The following CMTR1 variants were observed in gnomAD, a reference collection of about 807,000 sequenced individuals.
The protein encoded by CMTR1 is cap methyltransferase 1.
In CMTR1, 39 loss-of-function variants were observed where a neutral mutation model predicts 107.0. The observed-to-expected ratio is 0.36, with a 90% CI of 0.28 to 0.48. The LOEUF is 0.48. Among genes scored for constraint, CMTR1 ranks in the 20% least tolerant of loss-of-function variants. CMTR1 has a pLI of 0.99. For missense variants in CMTR1, 672 were observed against 1,064.9 expected (o/e 0.63, Z 5.14); for synonymous variants, 366 against 379.5 (o/e 0.96, Z 0.41).
At chr6:37,434,320 G>A (rs1328224710) in intron 1 of CMTR1, among the ~76,000 whole-genome samples, 1 of 152,084 alleles carries the variant, frequency 6.6e-6, no homozygotes, top group African/African-American at 2.4e-5. Context: ...TTACGAGGTT[G>A]GGAGCATCAG....
chr6:37,481,300 C>T lies in CMTR1; in HGVS notation c.*1155C>T. 5 of 1,219,760 alleles carry T rather than the reference C, an allele frequency of 4.1e-6. No homozygotes were observed. The highest frequency in any genetic ancestry group is 5.2e-6 in the Non-Finnish European group (5 of 955,972). 75.6% of individuals were successfully genotyped at this position (1,219,760 alleles called of 1,614,324 possible). A position where few individuals can be genotyped will look rare whatever the true frequency, so the allele number is the denominator to read the frequency against. ...CATGCAGGCTCCCTAGGGCCCCATC[C>T]CAGTGCCAGGCTGGTTTCCATGGAG... On this transcript the variant is annotated 3_prime_UTR_variant, in exon 24 of 24. Transcript: ENST00000373451.
chr6:37,443,435 A>G (rs1465152990), intron 2 of CMTR1, among the ~76,000 whole-genome samples: 1 of 151,902 alleles, frequency 6.6e-6, no homozygotes, highest in East Asian at 1.9e-4. Context: ...GCTCACTGCA[A>G]CTTCTGCCTC....
chr6:37,471,991 G>A lies in CMTR1; in HGVS notation c.1620+87G>A. 4.9e-6 allele frequency: 6 copies of A among 1,235,288 alleles called. No individual in the cohort carries two copies. In the South Asian group the frequency reaches 5.4e-5, roughly 11 times the overall value. The allele number at this position is 1,235,288 out of a possible 1,614,324, so 76.5% of individuals were successfully genotyped here. ...TGACTCCCAATCCTGTCACCTTAGG[G>A]TGTCTCTGCATCCAAAAATATCTGC... On this transcript the variant is annotated intron_variant, in intron 15 of 23. Coordinates refer to ENST00000373451, the MANE Select transcript of CMTR1 (RefSeq NM_015050.3).
chr6:37,446,305 C>T lies in CMTR1; in HGVS notation c.300C>T (p.Phe100=), dbSNP rs1214670881. ...VSQKLMAKMG[F]REGEGLGKYS... The stretch of plus-strand genomic sequence containing the variant: ...CTCTTTTTCAGGCCAAGATGGGCTT[C>T]AGGGAAGGTGAAGGATTGGGTAAAT... Residue 100 remains phenylalanine, a synonymous_variant, in exon 4 of 24, where the codon TTC becomes TTT. Coordinates refer to ENST00000373451, the MANE Select transcript of CMTR1 (RefSeq NM_015050.3). 1 of 1,613,962 alleles carries T rather than the reference C, an allele frequency of 6.2e-7. No homozygotes were observed. Among genetic ancestry groups the T allele is most frequent in the African/African-American group, 1.3e-5 (1 of 74,896 alleles).
At chr6:37,424,713 A>G in the CMTR1 span, among the ~76,000 whole-genome samples, 2 of 152,200 alleles carry the variant, frequency 1.3e-5, no homozygotes, top group Non-Finnish European at 2.9e-5. Flanking sequence ...ATCATATAAA[A>G]AATAAAAAGT....
At chr6:37,432,627 A>G (rs534897234), upstream of CMTR1, among the ~76,000 whole-genome samples, 6 of 152,266 alleles carry the variant, frequency 3.9e-5, no homozygotes, top group Non-Finnish European at 5.9e-5. Context: ...GCCCTTCACC[A>G]GGAAAAAAGT....
At chr6:37,446,131 A>G (rs1771788940) in intron 3 of CMTR1, among the ~76,000 whole-genome samples, 160 bp from the exon 4 acceptor site, 1 of 152,196 alleles carries the variant, frequency 6.6e-6, no homozygotes, top group Admixed American at 6.5e-5. Flanking sequence ...GTTATACTGC[A>G]GTTATTTATT....
chr6:37,449,224 G>C (rs1228331199), intron 4 of CMTR1, among the ~76,000 whole-genome samples: 1 of 151,868 alleles, frequency 6.6e-6, no homozygotes. Context: ...GGAATTACAG[G>C]TGTGAGCTAC....
chr6:37,473,505 A>T lies in CMTR1; in HGVS notation c.1725A>T (p.Thr575=). 6.2e-7 allele frequency: 1 copy of T among 1,614,024 alleles called. No homozygotes were observed. The highest frequency in any genetic ancestry group is 1.3e-5 in the African/African-American group (1 of 75,008). ...TEIDIFSYKP[T]LLTSKTLEKI... ...TTGACATCTTCAGCTACAAGCCCACACTGCTCACCTCTAAAACCCTGGAGA... is the reference window on the plus strand; with the variant it reads ...TTGACATCTTCAGCTACAAGCCCACTCTGCTCACCTCTAAAACCCTGGAGA... The change falls in exon 17 of 24, where the codon ACA becomes ACT. Residue 575 remains threonine (T), a synonymous_variant. Transcript: ENST00000373451.
intron 4 of CMTR1, among the ~76,000 whole-genome samples, chr6:37,448,736 TGCTTGGGA>T (rs2113870610): frequency 6.6e-6 from 1 of 152,354 alleles, no homozygotes; most frequent in Non-Finnish European, 1.5e-5. Context: ...TCTCCACACT[TGCTTGGGA>T]GCCAATATGT....
rs138241003 is a variant in CMTR1, at chr6:37,475,934, C to A, written c.2037-192C>A. On this transcript the variant is annotated intron_variant, in intron 19 of 23. Coordinates refer to ENST00000373451, the MANE Select transcript of CMTR1 (RefSeq NM_015050.3). ...AATTAGAGGTCAGAATCCACAGGGGCGGGGCATGAATAAAGACGTCGGTGG... is the reference window on the plus strand; with the variant it reads ...AATTAGAGGTCAGAATCCACAGGGGAGGGGCATGAATAAAGACGTCGGTGG... 5.9e-4 allele frequency: 348 copies of A among 594,692 alleles called. 1 individual carries two copies. In the African/African-American group the frequency reaches 6.0e-3, roughly 10 times the overall value. 36.8% of individuals were successfully genotyped at this position (594,692 alleles called of 1,614,324 possible).
chr6:37,474,797 C>A, intron 18 of CMTR1, 151 bp downstream of exon 18: 1 of 1,203,732 alleles, frequency 8.3e-7, no homozygotes, highest in Non-Finnish European at 1.1e-6. Context: ...GACTCCTCCC[C>A]GAGCAGTTGC....
At chr6:37,469,222 T>TAGA (rs1761574299) in intron 13 of CMTR1, among the ~76,000 whole-genome samples, 1 of 152,148 alleles carries the variant, frequency 6.6e-6, no homozygotes, top group Non-Finnish European at 1.5e-5. Flanking sequence ...AATTTGAGGT[T>TAGA]GATGTTTTTT....
At chr6:37,469,145 A>G (rs1761571831) in intron 13 of CMTR1, among the ~76,000 whole-genome samples, 1 of 151,924 alleles carries the variant, frequency 6.6e-6, no homozygotes, top group South Asian at 2.1e-4. Context: ...AAAAAAAAAC[A>G]AAAACAAAAA....
intron 13 of CMTR1, among the ~76,000 whole-genome samples, chr6:37,467,011 C>A (rs1414941322): frequency 6.6e-6 from 1 of 151,918 alleles, no homozygotes; most frequent in African/African-American, 2.4e-5. Flanking sequence ...CTCTACAAAA[C>A]GTACAAAAAT....
At chr6:37,457,655 A>G (rs1438354453) in intron 8 of CMTR1, among the ~76,000 whole-genome samples, 1 of 152,220 alleles carries the variant, frequency 6.6e-6, no homozygotes, top group Non-Finnish European at 1.5e-5. Flanking sequence ...GAGGGGTACT[A>G]TCTTGGCAAC....
At chr6:37,446,753 A>G (rs1771806188) in intron 4 of CMTR1, among the ~76,000 whole-genome samples, 1 of 152,222 alleles carries the variant, frequency 6.6e-6, no homozygotes, top group African/African-American at 2.4e-5. Flanking sequence ...CCACTAGTGG[A>G]CTAGGATACC....
At chr6:37,441,285 T>C (rs1307626775) in intron 2 of CMTR1, among the ~76,000 whole-genome samples, 1 of 152,204 alleles carries the variant, frequency 6.6e-6, no homozygotes, top group Non-Finnish European at 1.5e-5. Flanking sequence ...TAGAACGGTC[T>C]TGAGCCATTT....
In CMTR1 at chr6:37,456,086, G is replaced by A. The variant is rs549003336; in HGVS notation, c.778-2526G>A. 1.9e-4 allele frequency among the ~76,000 whole-genome samples: 29 copies of A among 152,324 alleles called. No homozygotes were observed. In the Middle Eastern group the frequency reaches 0.014, roughly 71 times the overall value. On this transcript the variant is annotated intron_variant, in intron 8 of 23. Coordinates refer to ENST00000373451, the MANE Select transcript of CMTR1 (RefSeq NM_015050.3). Reference sequence around the variant, plus strand: ...TTCATGCCCCCTTTGCAGGGGTGAGGTGTTCGCATCGATCATTCCGCATCC... The same window carrying A: ...TTCATGCCCCCTTTGCAGGGGTGAGATGTTCGCATCGATCATTCCGCATCC...
Sources: gnomAD v4.1 joint callset for allele counts (sites outside exome capture counted in the v4.1 genomes callset) on GRCh38, gnomAD v4.1.1 for gene constraint, MANE v1.5 for transcripts, NCBI Gene and HGNC (gene_info 2026-07-23, HGNC 2026-07-21) for gene names.